DACH1: variants seen among roughly 807,000 people sequenced by gnomAD.
The protein encoded by DACH1 is dachshund family transcription factor 1, also known as dachshund homolog 1.
Under a neutral mutation model 54.2 loss-of-function variants are expected in DACH1, and 12 were observed. The observed-to-expected ratio is 0.22, with a 90% CI of 0.14 to 0.36. The LOEUF (loss-of-function observed/expected upper bound fraction) is 0.36, where lower values mean the gene tolerates loss of function less well. DACH1 is among the 10% of genes least tolerant of loss of function. DACH1 has a pLI of 1.00. For missense variants in DACH1, 805 were observed against 929.8 expected (o/e 0.87, Z 1.75); for synonymous variants, 386 against 366.2 (o/e 1.05, Z -0.62).
intron 1 of DACH1, among the ~76,000 whole-genome samples, chr13:71,738,166 A>G (rs960571390): frequency 6.6e-6 from 1 of 152,320 alleles, no homozygotes; most frequent in Middle Eastern, 3.4e-3. Flanking sequence ...ATAAATTTTC[A>G]TCAGTAAGAG....
At chr13:71,567,074 A>G (rs1479719520) in intron 4 of DACH1, among the ~76,000 whole-genome samples, 2 of 152,144 alleles carry the variant, frequency 1.3e-5, no homozygotes, top group Non-Finnish European at 2.9e-5. Context: ...GTATGAGTAC[A>G]ATTATAAACA....
At chr13:71,453,146 T>C (rs769910737) in intron 10 of DACH1, among the ~76,000 whole-genome samples, 4 of 152,138 alleles carry the variant, frequency 2.6e-5, no homozygotes, top group Admixed American at 1.3e-4. Context: ...CTTGTCCTGA[T>C]TGGGAGGTGA....
intron 1 of DACH1, among the ~76,000 whole-genome samples, chr13:71,731,023 ACTT>A (rs1883717589): frequency 6.6e-6 from 1 of 152,048 alleles, no homozygotes; most frequent in Non-Finnish European, 1.5e-5. Context: ...ACTATTACCT[ACTT>A]AATTGTAGTT....
intron 10 of DACH1, among the ~76,000 whole-genome samples, chr13:71,468,024 C>A (rs867628062): frequency 2.0e-5 from 3 of 152,066 alleles, no homozygotes; most frequent in South Asian, 2.1e-4. Context: ...CCACATCCCC[C>A]TTTTCAATCT....
chr13:71,670,679 C>T (rs750750546), intron 2 of DACH1, among the ~76,000 whole-genome samples: 25 of 151,916 alleles, frequency 1.6e-4, no homozygotes, highest in Non-Finnish European at 3.2e-4. Flanking sequence ...ATTTTTAAAT[C>T]CAATGGAGTT....
chr13:71,629,781 C>A (rs980582744), intron 3 of DACH1, among the ~76,000 whole-genome samples: 1 of 152,032 alleles, frequency 6.6e-6, no homozygotes, highest in Non-Finnish European at 1.5e-5. Context: ...ATATTTTGAG[C>A]ATGGTCACTG....
At chr13:71,614,663 G>A (rs1391402202) in intron 3 of DACH1, among the ~76,000 whole-genome samples, 2 of 151,972 alleles carry the variant, frequency 1.3e-5, no homozygotes, top group African/African-American at 4.8e-5. Context: ...AGATCATCCT[G>A]GGGAACACAG....
chr13:71,632,621 T>C (rs1048669844), intron 2 of DACH1, among the ~76,000 whole-genome samples: 3 of 152,116 alleles, frequency 2.0e-5, no homozygotes, highest in African/African-American at 7.2e-5. Context: ...TATAAGGAAG[T>C]ATTTTTCCAT....
chr13:71,447,657 C>T (rs982278750), intron 10 of DACH1, among the ~76,000 whole-genome samples: 1 of 151,572 alleles, frequency 6.6e-6, no homozygotes, highest in African/African-American at 2.4e-5. Context: ...ATGGTGAAAC[C>T]CCGACTCTAC....
At chr13:71,441,698 T>C (rs1593698806) in intron 10 of DACH1, among the ~76,000 whole-genome samples, 1 of 152,022 alleles carries the variant, frequency 6.6e-6, no homozygotes. Context: ...ATAAAAAAGA[T>C]AGTCTAAATA....
chr13:71,606,192 A>G (rs1165168587), intron 3 of DACH1, among the ~76,000 whole-genome samples: 1 of 152,096 alleles, frequency 6.6e-6, no homozygotes, highest in Non-Finnish European at 1.5e-5. Flanking sequence ...ACACATCTAC[A>G]TCTATTTACA....
At chr13:71,617,099 C>G (rs1875840275) in intron 3 of DACH1, among the ~76,000 whole-genome samples, 1 of 152,018 alleles carries the variant, frequency 6.6e-6, no homozygotes, top group Non-Finnish European at 1.5e-5. Context: ...GAACTCCAGA[C>G]CTCAGGTGAT....
At chr13:71,735,368 C>T (rs142155082) in intron 1 of DACH1, among the ~76,000 whole-genome samples, 786 of 17,198 alleles carry the variant, frequency 0.046, 82 homozygotes, top group African/African-American at 0.096. Context: ...TACACGTATA[C>T]GGGATATACG....
In DACH1 at chr13:71,670,645, T is replaced by C. The variant is rs150346525; in HGVS notation, c.964+11150A>G. 4.6e-3 allele frequency among the ~76,000 whole-genome samples: 694 copies of C among 152,184 alleles called. 4 individuals carry two copies. Among genetic ancestry groups the C allele is most frequent in the East Asian group, 0.024 (126 of 5,180 alleles). On this transcript the variant is annotated intron_variant, in intron 2 of 10. Coordinates refer to ENST00000613252, the MANE Select transcript of DACH1 (RefSeq NM_080759.6). ...ACTAAGACTTCCTATACCTAAACTATACATTTTAAAAGTTATTAACTTTAT... is the reference window on the plus strand; with the variant it reads ...ACTAAGACTTCCTATACCTAAACTACACATTTTAAAAGTTATTAACTTTAT...
intron 1 of DACH1, among the ~76,000 whole-genome samples, chr13:71,759,535 T>C (rs1381335411): frequency 6.6e-6 from 1 of 152,214 alleles, no homozygotes; most frequent in African/African-American, 2.4e-5. Context: ...TATGAAGGAC[T>C]GTTCTGGGAA....
chr13:71,459,236 T>TA (rs913737490), intron 10 of DACH1, among the ~76,000 whole-genome samples: 2 of 151,920 alleles, frequency 1.3e-5, no homozygotes, highest in Non-Finnish European at 2.9e-5. Flanking sequence ...GGATATGTAT[T>TA]AAAAACAAAG....
intron 1 of DACH1, among the ~76,000 whole-genome samples, chr13:71,703,600 G>A (rs963470161): frequency 3.9e-5 from 6 of 152,198 alleles, no homozygotes; most frequent in African/African-American, 1.4e-4. Flanking sequence ...AAAATGAAGA[G>A]CATATGTATG....
intron 1 of DACH1, among the ~76,000 whole-genome samples, chr13:71,718,320 C>T (rs539215529): frequency 5.3e-5 from 8 of 152,128 alleles, no homozygotes; most frequent in Admixed American, 3.3e-4. Flanking sequence ...CACACTGGCT[C>T]ACACGTGCAA....
intron 3 of DACH1, among the ~76,000 whole-genome samples, chr13:71,591,571 T>A (rs1162165028): frequency 2.0e-5 from 3 of 152,210 alleles, no homozygotes; most frequent in African/African-American, 7.2e-5. Context: ...ATTCACCCTG[T>A]TGTGATGAAA....
Sources: allele counts gnomAD v4.1 joint callset (sites outside exome capture counted in the v4.1 genomes callset), GRCh38; gene constraint gnomAD v4.1.1; transcripts MANE v1.5; gene names NCBI Gene and HGNC (gene_info 2026-07-23, HGNC 2026-07-21).